The following ABTB3 variants were observed in gnomAD, a reference collection of about 807,000 sequenced individuals.
The protein encoded by ABTB3 is ankyrin repeat and BTB domain containing 3.
the ABTB3 span, among the ~76,000 whole-genome samples, chr12:107,481,268 C>T: frequency 1.3e-5 from 2 of 152,140 alleles, no homozygotes; most frequent in South Asian, 4.1e-4. Context: ...AGGCTGAGGG[C>T]TAATGAGCCT....
the ABTB3 span, among the ~76,000 whole-genome samples, chr12:107,445,414 C>T: frequency 6.6e-6 from 1 of 152,212 alleles, no homozygotes; most frequent in East Asian, 1.9e-4. Flanking sequence ...ATAGCGCCCA[C>T]AAGAAACTCA....
the ABTB3 span, among the ~76,000 whole-genome samples, chr12:107,373,091 C>G: frequency 6.6e-6 from 1 of 152,138 alleles, no homozygotes. Context: ...GCTAAATGTC[C>G]CCTGAGGGAG....
At chr12:107,431,324 A>G in the ABTB3 span, among the ~76,000 whole-genome samples, 3 of 152,184 alleles carry the variant, frequency 2.0e-5, no homozygotes, top group East Asian at 1.9e-4. Flanking sequence ...TAAAAAGTCA[A>G]TCCAGGCCAG....
chr12:107,609,324 G>C, the ABTB3 span, among the ~76,000 whole-genome samples: 1 of 152,282 alleles, frequency 6.6e-6, no homozygotes, highest in African/African-American at 2.4e-5. Context: ...TTAATTGATT[G>C]ATCAGTTCAT....
At chr12:107,633,348 G>A in the ABTB3 span, among the ~76,000 whole-genome samples, 8 of 152,290 alleles carry the variant, frequency 5.3e-5, no homozygotes, top group South Asian at 8.3e-4. Flanking sequence ...CCAGAACAGT[G>A]AGAAATAAAT....
the ABTB3 span, among the ~76,000 whole-genome samples, chr12:107,435,777 G>C: frequency 6.6e-6 from 1 of 152,026 alleles, no homozygotes; most frequent in Non-Finnish European, 1.5e-5. Context: ...TACTTCCTTG[G>C]GATGTAATTC....
chr12:107,632,472 G>C, the ABTB3 span, among the ~76,000 whole-genome samples: 2 of 152,188 alleles, frequency 1.3e-5, no homozygotes, highest in Non-Finnish European at 2.9e-5. Context: ...TTTATGACCA[G>C]CCAGTACTTA....
chr12:107,608,942 T>TAAAATAAAATAAAATAAATA, the ABTB3 span, among the ~76,000 whole-genome samples: 1 of 60,270 alleles, frequency 1.7e-5, no homozygotes, highest in Non-Finnish European at 3.2e-5. Context: ...TAAAATAAAA[T>TAAAATAAAATAAAATAAATA]AAATAAAATA....
chr12:107,561,808 C>T, the ABTB3 span, among the ~76,000 whole-genome samples: 1 of 152,302 alleles, frequency 6.6e-6, no homozygotes, highest in East Asian at 1.9e-4. Context: ...CCAATTCACA[C>T]AGAATCCCCT....
At chr12:107,441,039 C>T in the ABTB3 span, among the ~76,000 whole-genome samples, 3 of 152,104 alleles carry the variant, frequency 2.0e-5, no homozygotes, top group Non-Finnish European at 4.4e-5. Context: ...AGTTGAAATG[C>T]CCGAGCCTGG....
At chr12:107,628,110 A>C in the ABTB3 span, among the ~76,000 whole-genome samples, 1 of 151,924 alleles carries the variant, frequency 6.6e-6, no homozygotes. Flanking sequence ...CCTGCTCCAC[A>C]AGGGAGCCAT....
the ABTB3 span, among the ~76,000 whole-genome samples, chr12:107,609,808 C>A: frequency 6.6e-6 from 1 of 152,224 alleles, no homozygotes; most frequent in Admixed American, 6.5e-5. Flanking sequence ...TTGGGCAGGG[C>A]CCTTATCTGT....
At chr12:107,499,445 G>C in the ABTB3 span, among the ~76,000 whole-genome samples, 3 of 151,972 alleles carry the variant, frequency 2.0e-5, no homozygotes, top group Non-Finnish European at 2.9e-5. Flanking sequence ...CCAGCAACTG[G>C]AGCTCCCTGA....
the ABTB3 span, among the ~76,000 whole-genome samples, chr12:107,479,276 A>G: frequency 9.5e-3 from 1,449 of 151,978 alleles, 34 homozygotes; most frequent in African/African-American, 0.033. Context: ...ATGCCCCTTG[A>G]GCTACTTGGT....
At chr12:107,598,512 A>G in the ABTB3 span, among the ~76,000 whole-genome samples, 1 of 152,216 alleles carries the variant, frequency 6.6e-6, no homozygotes. Flanking sequence ...CTATATTACT[A>G]TGAGGAAGAA....
chr12:107,537,643 C>T, the ABTB3 span, among the ~76,000 whole-genome samples: 2 of 152,204 alleles, frequency 1.3e-5, no homozygotes, highest in African/African-American at 4.8e-5. Flanking sequence ...GCCTTCCTCC[C>T]AGAGGACAGT....
At chr12:107,481,905 C>CTCTCTCTCTCTCTCTG in the ABTB3 span, among the ~76,000 whole-genome samples, 2 of 150,632 alleles carry the variant, frequency 1.3e-5, no homozygotes, top group African/African-American at 4.9e-5. Flanking sequence ...CTCTCTCTCT[C>CTCTCTCTCTCTCTCTG]TCTCTCTCTC....
At chr12:107,464,571 A>G in the ABTB3 span, among the ~76,000 whole-genome samples, 1 of 152,114 alleles carries the variant, frequency 6.6e-6, no homozygotes, top group Non-Finnish European at 1.5e-5. Flanking sequence ...TTGGCCTCCC[A>G]AAGTGTTTCC....
At chr12:107,482,951 T>C in the ABTB3 span, among the ~76,000 whole-genome samples, 6 of 43,580 alleles carry the variant, frequency 1.4e-4, no homozygotes, top group Middle Eastern at 8.3e-3. Flanking sequence ...TTTCTTTCTT[T>C]CTTTCTTTCT....
Sources: allele counts gnomAD v4.1 joint callset (sites outside exome capture counted in the v4.1 genomes callset), GRCh38; gene constraint gnomAD v4.1.1; transcripts MANE v1.5; gene names NCBI Gene and HGNC (gene_info 2026-07-23, HGNC 2026-07-21).